PGM5: variants seen among roughly 807,000 people sequenced by gnomAD.
PGM5 encodes the protein phosphoglucomutase-like protein 5.
Under a neutral mutation model 59.2 loss-of-function variants are expected in PGM5, and 23 were observed. That is an observed-to-expected ratio of 0.39 (90% CI 0.28 to 0.55). PGM5 has a LOEUF of 0.55. PGM5 is among the 20% of genes least tolerant of loss of function. The pLI, the probability that PGM5 is intolerant of heterozygous loss-of-function variation, is 0.66. For synonymous variants in PGM5, 214 were observed against 286.0 expected, an observed-to-expected ratio of 0.75 and a Z score of 2.54; for missense variants, 574 against 748.3, an observed-to-expected ratio of 0.77 and a Z score of 2.72.
chr9:68,499,254 T>A lies in PGM5; in HGVS notation c.1507T>A (p.Ser503Thr), dbSNP rs1554688412. ...CCTAAGGATCATTTTCTCGGATGCATCACGGCTCATCTTCCGGCTCAGTTC... is the reference window on the plus strand; with the variant it reads ...CCTAAGGATCATTTTCTCGGATGCAACACGGCTCATCTTCCGGCTCAGTTC... The part of the protein sequence containing the change: ...QGLRIIFSDA[S>T]RLIFRLSSSS... The change falls in exon 10 of 11, where the codon TCA becomes ACA. Residue 503 changes from serine (S) to threonine (T), a missense_variant. By Grantham distance (58) the Ser-to-Thr change is moderately conservative. Coordinates refer to ENST00000396396, the MANE Select transcript of PGM5 (RefSeq NM_021965.4). 1 of 1,614,100 alleles carries A rather than the reference T, an allele frequency of 6.2e-7. No individual in the cohort carries two copies. Among genetic ancestry groups the A allele is most frequent in the Non-Finnish European group, 8.5e-7 (1 of 1,180,042 alleles).
intron 6 of PGM5, among the ~76,000 whole-genome samples, chr9:68,451,204 A>C (rs1823690259): frequency 6.6e-6 from 1 of 152,210 alleles, no homozygotes; most frequent in African/African-American, 2.4e-5. Flanking sequence ...TAAAGACCTG[A>C]AAACAATTAT....
At chr9:68,359,600 G>C (rs1364440782) in intron 1 of PGM5, among the ~76,000 whole-genome samples, 1 of 152,210 alleles carries the variant, frequency 6.6e-6, no homozygotes, top group African/African-American at 2.4e-5. Flanking sequence ...AAATTGATGA[G>C]AATGTGCTTG....
At chr9:68,446,852 G>A (rs534525492) in intron 6 of PGM5, among the ~76,000 whole-genome samples, 183 of 152,210 alleles carry the variant, frequency 1.2e-3, no homozygotes, top group Non-Finnish European at 2.3e-3. Flanking sequence ...GCTTTATATC[G>A]TCTCTCTGGT....
chr9:68,439,650 A>G (rs1345075801), intron 6 of PGM5, among the ~76,000 whole-genome samples: 1 of 148,954 alleles, frequency 6.7e-6, no homozygotes, highest in Non-Finnish European at 1.5e-5. Flanking sequence ...ATGAACATAT[A>G]TATACATATA....
intron 6 of PGM5, among the ~76,000 whole-genome samples, chr9:68,411,124 A>G (rs1189113428): frequency 1.3e-5 from 2 of 152,198 alleles, no homozygotes; most frequent in African/African-American, 4.8e-5. Flanking sequence ...TATTTTGTGT[A>G]AATTCACCTT....
rs539713126 is a variant in PGM5 at position 68,503,851 on chromosome 9, G to A, written c.1614+4490G>A. On this transcript the variant is annotated intron_variant, in intron 10 of 10. Transcript: ENST00000396396. Reference sequence around the variant, plus strand: ...CTTTAATTGTTTTGAGGTGGGACCTGTAGTTTTTAAAAAATTTCCCAGATG... The same window carrying A: ...CTTTAATTGTTTTGAGGTGGGACCTATAGTTTTTAAAAAATTTCCCAGATG... 5.9e-5 allele frequency among the ~76,000 whole-genome samples: 9 copies of A among 152,320 alleles called. No homozygotes were observed. The South Asian group carries it at 1.9e-3, about 32-fold the overall frequency.
intron 10 of PGM5, among the ~76,000 whole-genome samples, chr9:68,527,639 T>A (rs541661957): frequency 6.6e-6 from 1 of 152,182 alleles, no homozygotes; most frequent in South Asian, 2.1e-4. Flanking sequence ...AAAGAATCCC[T>A]TCTGTTTTTA....
intron 6 of PGM5, among the ~76,000 whole-genome samples, chr9:68,433,037 G>C (rs2132057377): frequency 6.6e-6 from 1 of 152,242 alleles, no homozygotes; most frequent in East Asian, 1.9e-4. Context: ...CAATACTGCA[G>C]TGAATACCCT....
chr9:68,373,441 C>T (rs1156443853), intron 1 of PGM5, among the ~76,000 whole-genome samples: 1 of 151,988 alleles, frequency 6.6e-6, no homozygotes, highest in African/African-American at 2.4e-5. Flanking sequence ...TCACTTTAAC[C>T]TTCTTAAACA....
intron 1 of PGM5, among the ~76,000 whole-genome samples, chr9:68,361,875 T>A (rs1834586105): frequency 6.6e-6 from 1 of 152,018 alleles, no homozygotes; most frequent in South Asian, 2.1e-4. Context: ...TGTATTCACA[T>A]CCCATCATTA....
intron 6 of PGM5, among the ~76,000 whole-genome samples, chr9:68,451,049 T>A (rs560888536): frequency 5.9e-5 from 9 of 152,296 alleles, no homozygotes; most frequent in African/African-American, 1.9e-4. Flanking sequence ...TATCCTTCTG[T>A]GTCCCCAAAA....
chr9:68,460,856 A>T (rs1823847524), intron 6 of PGM5, among the ~76,000 whole-genome samples: 1 of 152,174 alleles, frequency 6.6e-6, no homozygotes, highest in South Asian at 2.1e-4. Context: ...GTTCTAGCAC[A>T]TTGGTGGTGG....
chr9:68,458,239 G>C (rs1396766959), intron 6 of PGM5, among the ~76,000 whole-genome samples: 2 of 152,010 alleles, frequency 1.3e-5, no homozygotes, highest in African/African-American at 2.4e-5. Context: ...TTCAATTAAA[G>C]TTAGGATTTT....
intron 1 of PGM5, 59 bp downstream of exon 1, chr9:68,357,447 C>G: frequency 6.5e-7 from 1 of 1,531,118 alleles, no homozygotes; most frequent in Middle Eastern, 2.3e-4. Context: ...TCTCCTAGCC[C>G]TTGTCCCCCT....
At chr9:68,429,726 A>T (rs1470860206) in intron 6 of PGM5, among the ~76,000 whole-genome samples, 6 of 152,260 alleles carry the variant, frequency 3.9e-5, no homozygotes, top group African/African-American at 1.4e-4. Flanking sequence ...TTGTCCTGAC[A>T]TCTGGAGAAC....
At position 68,529,671 on chromosome 9, in the gene PGM5, A is replaced by ACTCAC; in HGVS notation, c.*17_*21dup. ...TCATCACCTGAATAGAGGAAAGATC[A>ACTCAC]CTCACCAGGGCCAAAGAGAGTGCTC... is the stretch of plus-strand genomic sequence containing the variant. On this transcript the variant is annotated 3_prime_UTR_variant, in exon 11 of 11. Transcript: ENST00000396396. The ACTCAC allele has an allele frequency of 1.3e-6, 2 of 1,534,506 alleles. No individual in the cohort carries two copies. The highest frequency in any genetic ancestry group is 1.8e-6 in the Non-Finnish European group (2 of 1,120,900).
At chr9:68,367,379 C>T (rs1372193782) in intron 1 of PGM5, among the ~76,000 whole-genome samples, 1 of 152,124 alleles carries the variant, frequency 6.6e-6, no homozygotes, top group East Asian at 1.9e-4. Context: ...ATTTTCAAAT[C>T]GAATGGACTG....
intron 6 of PGM5, among the ~76,000 whole-genome samples, chr9:68,444,121 T>C (rs916820346): frequency 7.2e-5 from 11 of 151,748 alleles, no homozygotes; most frequent in African/African-American, 2.7e-4. Flanking sequence ...CTATTTTCAG[T>C]TGCACAGATA....
intron 10 of PGM5, among the ~76,000 whole-genome samples, chr9:68,526,159 C>A (rs1282098444): frequency 3.9e-5 from 6 of 152,178 alleles, no homozygotes; most frequent in Non-Finnish European, 2.9e-5. Flanking sequence ...GGACTTCTTC[C>A]CAGGCCTTCC....
Sources: gnomAD v4.1 joint callset for allele counts (sites outside exome capture counted in the v4.1 genomes callset) on GRCh38, gnomAD v4.1.1 for gene constraint, MANE v1.5 for transcripts, NCBI Gene and HGNC (gene_info 2026-07-23, HGNC 2026-07-21) for gene names.